The following FHIT variants were observed in gnomAD, a reference collection of about 807,000 sequenced individuals.
FHIT encodes the protein bis(5'-adenosyl)-triphosphatase.
In FHIT, 19 loss-of-function variants were observed where a neutral mutation model predicts 17.9. The ratio of observed to expected loss-of-function variants is 1.06; its 90% confidence interval spans 0.74 to 1.56. The LOEUF (loss-of-function observed/expected upper bound fraction) is 1.56, where lower values mean the gene tolerates loss of function less well. Among genes scored for constraint, FHIT ranks in the 40% most tolerant of loss-of-function variants. The probability of loss-of-function intolerance (pLI) is 0.00; values close to 1 mark genes in which losing one functional copy is unlikely to be tolerated. For synonymous variants in FHIT, 81 were observed against 69.7 expected (o/e 1.16, Z -0.81); for missense variants, 248 against 189.2 (o/e 1.31, Z -1.82).
At chr3:60,119,092 G>T (rs1321723724) in intron 5 of FHIT, among the ~76,000 whole-genome samples, 2 of 151,450 alleles carry the variant, frequency 1.3e-5, no homozygotes, top group Admixed American at 1.3e-4. Context: ...TTTTATTTTT[G>T]AGACAGAGTC....
At chr3:60,091,717 T>C (rs911770065) in intron 5 of FHIT, among the ~76,000 whole-genome samples, 2 of 152,104 alleles carry the variant, frequency 1.3e-5, no homozygotes, top group Non-Finnish European at 2.9e-5. Flanking sequence ...TAAGTTACCA[T>C]GAGATCTGGC....
chr3:59,973,744 T>C (rs1052381351), intron 7 of FHIT, among the ~76,000 whole-genome samples: 2 of 152,250 alleles, frequency 1.3e-5, no homozygotes, highest in African/African-American at 2.4e-5. Context: ...CAATTAAATA[T>C]TTGCTGATTG....
chr3:61,025,600 A>C lies in FHIT; in HGVS notation c.-111+16447T>G, dbSNP rs182963324. ...TGGAAAATATTCTTAATGTTAGATC[A>C]AATACGGAATTATCCAATAAATAAA... is the stretch of plus-strand genomic sequence containing the variant. On this transcript the variant is annotated intron_variant, in intron 3 of 9. Transcript: ENST00000492590. 1.0e-3 allele frequency among the ~76,000 whole-genome samples: 157 copies of C among 152,358 alleles called. 1 individual carries two copies. The East Asian group carries it at 0.019, about 18-fold the overall frequency.
At chr3:61,153,482 C>T (rs2037452627) in intron 2 of FHIT, among the ~76,000 whole-genome samples, 1 of 152,086 alleles carries the variant, frequency 6.6e-6, no homozygotes, top group Non-Finnish European at 1.5e-5. Flanking sequence ...TCAAAATTGC[C>T]AGATTTCTTT....
intron 4 of FHIT, among the ~76,000 whole-genome samples, chr3:60,623,295 C>G (rs1377742981): frequency 6.6e-6 from 1 of 152,188 alleles, no homozygotes; most frequent in African/African-American, 2.4e-5. Context: ...CAAGAAAGAA[C>G]TGTGCTACAT....
chr3:60,529,408 A>G (rs1412886482), intron 5 of FHIT, among the ~76,000 whole-genome samples: 2 of 152,218 alleles, frequency 1.3e-5, no homozygotes, highest in Non-Finnish European at 2.9e-5. Context: ...TGATATGTGC[A>G]TGAAATATAA....
intron 4 of FHIT, among the ~76,000 whole-genome samples, chr3:60,541,126 C>T (rs1262867555): frequency 2.0e-5 from 3 of 152,192 alleles, no homozygotes; most frequent in Admixed American, 1.3e-4. Context: ...GGCTGCCTAG[C>T]ATATGCTTGA....
intron 5 of FHIT, among the ~76,000 whole-genome samples, chr3:60,036,733 A>C (rs928735376): frequency 6.6e-6 from 1 of 152,132 alleles, no homozygotes; most frequent in African/African-American, 2.4e-5. Context: ...GAGAATTCTA[A>C]ATAGAACAGA....
At chr3:60,902,867 T>G (rs1706193739) in intron 3 of FHIT, among the ~76,000 whole-genome samples, 1 of 152,156 alleles carries the variant, frequency 6.6e-6, no homozygotes, top group African/African-American at 2.4e-5. Flanking sequence ...AACTAAAATC[T>G]CTTGACTCTA....
At chr3:60,222,261 C>T (rs1362126311) in intron 5 of FHIT, among the ~76,000 whole-genome samples, 1 of 152,118 alleles carries the variant, frequency 6.6e-6, no homozygotes, top group African/African-American at 2.4e-5. Flanking sequence ...GGATTCAAGT[C>T]CTAGTCCCTC....
intron 5 of FHIT, among the ~76,000 whole-genome samples, chr3:60,278,498 C>T (rs1380960213): frequency 6.6e-6 from 1 of 152,120 alleles, no homozygotes; most frequent in Admixed American, 6.5e-5. Context: ...TAATATACAA[C>T]AATTATCCTT....
chr3:60,545,127 A>G (rs1208627182), intron 4 of FHIT, among the ~76,000 whole-genome samples: 1 of 151,400 alleles, frequency 6.6e-6, no homozygotes, highest in African/African-American at 2.4e-5. Context: ...TCAATTTCTT[A>G]GCCATATATC....
chr3:60,360,555 T>A (rs989880205), intron 5 of FHIT, among the ~76,000 whole-genome samples: 1 of 152,146 alleles, frequency 6.6e-6, no homozygotes, highest in African/African-American at 2.4e-5. Context: ...ATAACTTCAC[T>A]GAGATTCACT....
intron 5 of FHIT, among the ~76,000 whole-genome samples, chr3:60,107,671 T>A (rs1704484978): frequency 6.6e-6 from 1 of 152,204 alleles, no homozygotes; most frequent in Non-Finnish European, 1.5e-5. Context: ...TGTTTTCCTT[T>A]AATATAGGCA....
chr3:61,242,301 A>G (rs1163199805), intron 1 of FHIT, among the ~76,000 whole-genome samples: 1 of 152,048 alleles, frequency 6.6e-6, no homozygotes, highest in Non-Finnish European at 1.5e-5. Flanking sequence ...CAAAAAAAAA[A>G]ACACCTCTGC....
chr3:60,900,840 C>T (rs531428252), intron 3 of FHIT, among the ~76,000 whole-genome samples: 2 of 152,024 alleles, frequency 1.3e-5, no homozygotes, highest in Non-Finnish European at 2.9e-5. Context: ...TGCAGTCGTG[C>T]GATCTCAGCT....
At position 60,717,713 on chromosome 3, in the gene FHIT, A is replaced by T. The variant is rs1457628089; in HGVS notation, c.-18+104206T>A. On this transcript the variant is annotated intron_variant, in intron 4 of 9. Transcript: ENST00000492590. Reference sequence around the variant, plus strand: ...CTTCAACTTTATGTGCATCAGAATTACCTGTCTTGGGGTTGAAAACACAAA... The same window carrying T: ...CTTCAACTTTATGTGCATCAGAATTTCCTGTCTTGGGGTTGAAAACACAAA... 2.6e-5 allele frequency among the ~76,000 whole-genome samples: 4 copies of T among 152,178 alleles called. No homozygotes were observed. In the East Asian group the frequency reaches 7.7e-4, roughly 29 times the overall value.
At chr3:60,616,513 C>A (rs1210395972) in intron 4 of FHIT, among the ~76,000 whole-genome samples, 2 of 152,092 alleles carry the variant, frequency 1.3e-5, no homozygotes, top group Admixed American at 1.3e-4. Flanking sequence ...AGTTAATATA[C>A]AAAGTCAATT....
intron 2 of FHIT, among the ~76,000 whole-genome samples, chr3:61,084,885 A>G (rs998988974): frequency 1.3e-5 from 2 of 152,136 alleles, no homozygotes; most frequent in South Asian, 4.1e-4. Flanking sequence ...TGCCCTTTCT[A>G]AAAATTGAAT....
Sources: allele counts gnomAD v4.1 joint callset (sites outside exome capture counted in the v4.1 genomes callset), GRCh38; gene constraint gnomAD v4.1.1; transcripts MANE v1.5; gene names NCBI Gene and HGNC (gene_info 2026-07-23, HGNC 2026-07-21).